GRIN3A: variants seen among roughly 807,000 people sequenced by gnomAD.
GRIN3A encodes glutamate receptor ionotropic, NMDA 3A.
In GRIN3A, 47 loss-of-function variants were observed where a neutral mutation model predicts 92.4. That is an observed-to-expected ratio of 0.51 (90% CI 0.40 to 0.65). The LOEUF is 0.65. GRIN3A is among the 30% of genes least tolerant of loss of function. The pLI is 0.00. For missense variants in GRIN3A, 1,324 were observed against 1,393.1 expected, an observed-to-expected ratio of 0.95 and a Z score of 0.79; for synonymous variants, 527 against 540.6, an observed-to-expected ratio of 0.97 and a Z score of 0.35.
In GRIN3A at chr9:101,614,101, A is replaced by C. The variant is rs749057767; in HGVS notation, c.2615-574T>G. Among the ~76,000 whole-genome samples, 84 of 152,234 alleles carry C rather than the reference A, an allele frequency of 5.5e-4. 1 individual carries two copies. Among genetic ancestry groups the C allele is most frequent in the Non-Finnish European group, 1.1e-3 (77 of 68,040 alleles). ...TCCAAAAATAAATAAATAAGAAGTA[A>C]TACTAAGTGTTAAAGAAGATGAGGA... is the stretch of plus-strand genomic sequence containing the variant. On this transcript the variant is annotated intron_variant, in intron 5 of 8. Coordinates refer to ENST00000361820, the MANE Select transcript of GRIN3A (RefSeq NM_133445.3).
In GRIN3A at chr9:101,687,214, T is replaced by C. The variant is rs1829550648; in HGVS notation, c.700-14A>G. 1.2e-6 allele frequency: 2 copies of C among 1,613,556 alleles called. No homozygotes were observed. Among genetic ancestry groups the C allele is most frequent in the Non-Finnish European group, 8.5e-7 (1 of 1,179,650 alleles). On this transcript the variant is annotated splice_polypyrimidine_tract_variant and intron_variant, in intron 1 of 8. Coordinates refer to ENST00000361820, the MANE Select transcript of GRIN3A (RefSeq NM_133445.3). ...GTGAAGGGGATTCTGTATTTAAAGA[T>C]ATGAAAAAGAAGAATTAGAAAGCAT...
intron 4 of GRIN3A, among the ~76,000 whole-genome samples, chr9:101,627,969 C>A (rs1202856060): frequency 6.6e-6 from 1 of 152,146 alleles, no homozygotes; most frequent in African/African-American, 2.4e-5. Context: ...TGATGTAAAG[C>A]CAACATTTAC....
chr9:101,603,373 G>A (rs1342721441), intron 6 of GRIN3A, among the ~76,000 whole-genome samples: 1 of 152,170 alleles, frequency 6.6e-6, no homozygotes, highest in Non-Finnish European at 1.5e-5. Context: ...TGTCAAGCCA[G>A]GTGTTCGCCA....
intron 6 of GRIN3A, among the ~76,000 whole-genome samples, chr9:101,609,744 T>A (rs908961537): frequency 2.6e-5 from 4 of 152,188 alleles, no homozygotes; most frequent in Middle Eastern, 3.2e-3. Context: ...TCCTCTGAAA[T>A]GACAATAGCC....
intron 1 of GRIN3A, among the ~76,000 whole-genome samples, chr9:101,702,768 C>G (rs890900259): frequency 2.6e-5 from 4 of 152,192 alleles, no homozygotes; most frequent in Admixed American, 2.0e-4. Flanking sequence ...TTTCTTTTCT[C>G]TATCCCCACT....
intron 2 of GRIN3A, among the ~76,000 whole-genome samples, chr9:101,675,664 G>A (rs945163111): frequency 1.4e-5 from 2 of 140,246 alleles, no homozygotes; most frequent in Non-Finnish European, 3.1e-5. Context: ...TGACATAGGA[G>A]GGGTTTTTTT....
At chr9:101,711,861 T>G (rs528731433) in intron 1 of GRIN3A, among the ~76,000 whole-genome samples, 1 of 152,126 alleles carries the variant, frequency 6.6e-6, no homozygotes, top group Non-Finnish European at 1.5e-5. Context: ...TGAGAGACAG[T>G]AGCTATTTTT....
chr9:101,686,989 G>A lies in GRIN3A; in HGVS notation c.911C>T (p.Thr304Ile). 2.5e-6 allele frequency: 4 copies of A among 1,614,184 alleles called. No homozygotes were observed. Among genetic ancestry groups the A allele is most frequent in the Non-Finnish European group, 3.4e-6 (4 of 1,180,028 alleles). ...CTGTAGGAAGCTCAAGAGGTCCTGG[G>A]TGGAGGGGAGGTTAGCGGTGATGTT... ...IINITANLPS[T>I]QDLLSFLQIQ... is the part of the protein sequence containing the mutation. The change falls in exon 2 of 9, where the codon ACC becomes ATC. Residue 304 changes from threonine to isoleucine, a missense_variant. Coordinates refer to ENST00000361820, the MANE Select transcript of GRIN3A (RefSeq NM_133445.3).
chr9:101,652,409 G>A (rs1257972593), intron 3 of GRIN3A, among the ~76,000 whole-genome samples: 1 of 151,878 alleles, frequency 6.6e-6, no homozygotes, highest in Non-Finnish European at 1.5e-5. Flanking sequence ...AAAGTTAGAA[G>A]AAACAGGGAT....
chr9:101,737,922 G>A lies in GRIN3A; in HGVS notation c.58C>T (p.Pro20Ser), dbSNP rs957551703. 25 of 1,536,754 alleles carry A rather than the reference G, an allele frequency of 1.6e-5. No homozygotes were observed. The highest frequency in any genetic ancestry group is 7.8e-5 in the Admixed American group (4 of 51,492). The change falls in exon 1 of 9, where the codon CCC (proline) becomes TCC (serine). Residue 20 changes from proline (P) to serine (S), a missense_variant. Transcript: ENST00000361820. Reference protein sequence around the residue: ...LSRVCLLLPPPCALVLAGVPS... With the variant: ...LSRVCLLLPPSCALVLAGVPS... ...ACCCCGGCCAGCACCAGTGCGCAGG[G>A]CGGCGGCAACAGCAGACAGACCCTG...
intron 3 of GRIN3A, among the ~76,000 whole-genome samples, chr9:101,631,029 CT>C (rs34563571): frequency 0.19 from 29,438 of 152,082 alleles, 3,190 homozygotes; most frequent in Non-Finnish European, 0.25. Flanking sequence ...AGGCCAGATT[CT>C]TTTTTCGTAA....
chr9:101,624,638 G>A (rs1828606762), intron 4 of GRIN3A, among the ~76,000 whole-genome samples: 1 of 152,022 alleles, frequency 6.6e-6, no homozygotes, highest in Non-Finnish European at 1.5e-5. Flanking sequence ...TGGACATTTG[G>A]GTTGGTTCCA....
At chr9:101,578,727 CGGCCTTGTGAAGCTTGGCCTT>C (rs1204818476) in intron 7 of GRIN3A, among the ~76,000 whole-genome samples, 1 of 152,160 alleles carries the variant, frequency 6.6e-6, no homozygotes, top group East Asian at 1.9e-4. Context: ...GAGAGAACTG[CGGCCTTGTGAAGCTTGGCCTT>C]GGCCCCAATG....
In GRIN3A at chr9:101,613,523, G is replaced by A. The variant is rs147037319; in HGVS notation, c.2619C>T (p.Tyr873=). The change falls in exon 6 of 9, where the codon TAC becomes TAT. Residue 873 remains tyrosine, a synonymous_variant. Coordinates refer to ENST00000361820, the MANE Select transcript of GRIN3A (RefSeq NM_133445.3). ...TVGKPFAIEG[Y]GIGLPPNSPL... is the part of the protein sequence containing the mutation. ...GAGAGTTGGGTGGGAGGCCAATGCC[G>A]TATCCTAGAAGAAAATACAATCTCA... The A allele has an allele frequency of 8.5e-5, 137 of 1,613,964 alleles. No individual in the cohort carries two copies. In the East Asian group the frequency reaches 1.1e-3, roughly 13 times the overall value.
chr9:101,582,579 C>T (rs1827901941), intron 6 of GRIN3A, among the ~76,000 whole-genome samples: 1 of 152,160 alleles, frequency 6.6e-6, no homozygotes, highest in Non-Finnish European at 1.5e-5. Context: ...GTAAACCTGA[C>T]ATGCAGAAAG....
In GRIN3A at chr9:101,686,837, C is replaced by T; in HGVS notation, c.1063G>A (p.Val355Met). The T allele has an allele frequency of 1.2e-6, 2 of 1,614,214 alleles. No homozygotes were observed. Among genetic ancestry groups the T allele is most frequent in the Non-Finnish European group, 1.7e-6 (2 of 1,180,030 alleles). The change falls in exon 2 of 9, where the codon GTG (valine) becomes ATG (methionine). Residue 355 changes from valine (V) to methionine (M), a missense_variant. Physicochemically the swap from Val to Met is conservative, Grantham distance 21. Transcript: ENST00000361820. ...FGVMPPELRW[V>M]LGDSQNVEEL... ...TCCACATTCTGGGAATCTCCCAGCACCCAACGAAGTTCAGGGGGCATGACC... is the reference window on the plus strand; with the variant it reads ...TCCACATTCTGGGAATCTCCCAGCATCCAACGAAGTTCAGGGGGCATGACC...
rs936219705 is a variant in GRIN3A at position 101,572,545 on chromosome 9, A to G, written c.*629T>C. The G allele has an allele frequency of 6.4e-6, 1 of 155,432 alleles. No homozygotes were observed. The highest frequency in any genetic ancestry group is 1.4e-5 in the Non-Finnish European group (1 of 69,802). 9.6% of individuals were successfully genotyped at this position (155,432 alleles called of 1,614,324 possible). A position where few individuals can be genotyped will look rare whatever the true frequency, so the allele number is the denominator to read the frequency against. On this transcript the variant is annotated 3_prime_UTR_variant, in exon 9 of 9. Transcript: ENST00000361820. ...CACAGTAGGGTGTAAGCATGCTCTT[A>G]CTAAACAGTCAGGATGGAGTCAGAG...
chr9:101,613,557 T>C, intron 5 of GRIN3A, 30 bp from the exon 6 acceptor site: 1 of 1,610,560 alleles, frequency 6.2e-7, no homozygotes, highest in African/African-American at 1.3e-5. Flanking sequence ...CAGATGAGTT[T>C]TTTACACCCT....
rs10121691 is a variant in GRIN3A, at chr9:101,717,961, A to G, written c.699+19320T>C. 9.0e-3 allele frequency among the ~76,000 whole-genome samples: 1,372 copies of G among 152,300 alleles called. 21 individuals are homozygous for G. The highest frequency in any genetic ancestry group is 0.031 in the African/African-American group (1,301 of 41,570). ...CCAGCTTTGTTCTACATCTTATAAC[A>G]TGGTAAATTCTAGGTGGTCAGGAGT... On this transcript the variant is annotated intron_variant, in intron 1 of 8. Transcript: ENST00000361820.
Sources: allele counts gnomAD v4.1 joint callset (sites outside exome capture counted in the v4.1 genomes callset), GRCh38; gene constraint gnomAD v4.1.1; transcripts MANE v1.5; gene names NCBI Gene and HGNC (gene_info 2026-07-23, HGNC 2026-07-21).